SMAP1: variants seen among roughly 807,000 people sequenced by gnomAD.
SMAP1 encodes the protein stromal membrane-associated protein 1.
SMAP1 carries 24 observed loss-of-function variants against 58.5 expected under a neutral mutation model. That is an observed-to-expected ratio of 0.41 (90% CI 0.30 to 0.58). The LOEUF (loss-of-function observed/expected upper bound fraction) is 0.58. SMAP1 is among the 20% of genes least tolerant of loss of function. SMAP1 has a pLI of 0.29. For synonymous variants in SMAP1, 216 were observed against 196.6 expected (o/e 1.10, Z -0.82); for missense variants, 563 against 566.3 (o/e 0.99, Z 0.06).
At chr6:70,675,891 T>A (rs564990961) in intron 1 of SMAP1, among the ~76,000 whole-genome samples, 7 of 152,352 alleles carry the variant, frequency 4.6e-5, no homozygotes, top group Admixed American at 3.3e-4. Flanking sequence ...AAGTTGTTTG[T>A]ATAATAAATA....
intron 3 of SMAP1, among the ~76,000 whole-genome samples, chr6:70,764,766 G>T (rs1766893556): frequency 6.6e-6 from 1 of 152,120 alleles, no homozygotes; most frequent in Non-Finnish European, 1.5e-5. Context: ...CATCTGTTCT[G>T]CAGCCCATGG....
chr6:70,807,850 CAT>C (rs769228041), intron 6 of SMAP1, among the ~76,000 whole-genome samples: 61 of 152,162 alleles, frequency 4.0e-4, no homozygotes, highest in Admixed American at 1.4e-3. Context: ...TGAAAATCCT[CAT>C]ATAACTTTTG....
intron 2 of SMAP1, among the ~76,000 whole-genome samples, chr6:70,733,595 C>T (rs1322532019): frequency 6.6e-6 from 1 of 152,138 alleles, no homozygotes; most frequent in Admixed American, 6.5e-5. Flanking sequence ...AGGCTGGTCT[C>T]AAACTCTTGG....
chr6:70,707,180 G>C (rs938836400), intron 1 of SMAP1, among the ~76,000 whole-genome samples: 1 of 151,992 alleles, frequency 6.6e-6, no homozygotes, highest in African/African-American at 2.4e-5. Context: ...GTCATATTTT[G>C]ATCACATAAG....
chr6:70,753,001 A>G (rs1192816621), intron 2 of SMAP1, among the ~76,000 whole-genome samples: 7 of 152,100 alleles, frequency 4.6e-5, no homozygotes, highest in African/African-American at 1.4e-4. Context: ...TCACTAGAAC[A>G]GTGTTTAATA....
At chr6:70,779,841 A>G (rs748367448) in intron 4 of SMAP1, among the ~76,000 whole-genome samples, 1 of 152,176 alleles carries the variant, frequency 6.6e-6, no homozygotes, top group Non-Finnish European at 1.5e-5. Flanking sequence ...CAGTGATGCT[A>G]GTGCTGGGGA....
chr6:70,798,897 GTC>G (rs1473541229), intron 6 of SMAP1, among the ~76,000 whole-genome samples, 160 bp downstream of exon 6: 1 of 152,022 alleles, frequency 6.6e-6, no homozygotes, highest in Admixed American at 6.6e-5. Flanking sequence ...CTTCTAGCTT[GTC>G]TCTGTATTAT....
At chr6:70,770,350 C>A (rs184915527) in intron 3 of SMAP1, among the ~76,000 whole-genome samples, 1,763 of 152,202 alleles carry the variant, frequency 0.012, 15 homozygotes, top group Non-Finnish European at 0.015. Flanking sequence ...GTGTTTTCGA[C>A]CTTGGTTCCA....
chr6:70,736,140 G>A (rs1264094608), intron 2 of SMAP1, among the ~76,000 whole-genome samples: 2 of 152,024 alleles, frequency 1.3e-5, no homozygotes, highest in Non-Finnish European at 1.5e-5. Flanking sequence ...AGTTTTTAGA[G>A]CACAACATGT....
intron 4 of SMAP1, among the ~76,000 whole-genome samples, chr6:70,783,091 C>T (rs943688332): frequency 1.3e-5 from 2 of 152,124 alleles, no homozygotes; most frequent in African/African-American, 2.4e-5. Context: ...ACAAAACTTC[C>T]AGAGGAACGA....
chr6:70,862,005 AGACTTT>A, downstream of SMAP1: 1 of 1,550,040 alleles, frequency 6.5e-7, no homozygotes, highest in Non-Finnish European at 8.7e-7. Flanking sequence ...AAAAAAAAAG[AGACTTT>A]AAAATCCTGG....
Position 70,701,373 on chromosome 6 carries a change from T to C in SMAP1, c.119-31005T>C, listed in dbSNP as rs1372309712. Among the ~76,000 whole-genome samples, 7 of 152,270 alleles carry C rather than the reference T, an allele frequency of 4.6e-5. No individual in the cohort carries two copies. In the East Asian group the frequency reaches 1.2e-3, roughly 25 times the overall value. ...GAGCCACCATGCCTGGCCTGGTGTC[T>C]TACTAGGTCACGTGCACCCAAAGTC... On this transcript the variant is annotated intron_variant, in intron 1 of 10. Coordinates refer to ENST00000370455, the MANE Select transcript of SMAP1 (RefSeq NM_001044305.3).
chr6:70,727,265 C>T (rs924403084), intron 1 of SMAP1, among the ~76,000 whole-genome samples: 11 of 152,122 alleles, frequency 7.2e-5, no homozygotes, highest in Admixed American at 2.0e-4. Context: ...CGTACCAACA[C>T]GCCCAGCTAA....
At chr6:70,670,815 C>T (rs1482924391) in intron 1 of SMAP1, among the ~76,000 whole-genome samples, 12 of 152,220 alleles carry the variant, frequency 7.9e-5, no homozygotes. Flanking sequence ...CTTGCCTTAT[C>T]ATAGTTGGTA....
At chr6:70,765,347 G>C (rs1435244860) in intron 3 of SMAP1, among the ~76,000 whole-genome samples, 1 of 152,112 alleles carries the variant, frequency 6.6e-6, no homozygotes, top group African/African-American at 2.4e-5. Flanking sequence ...CAAAAGTTAA[G>C]TTCCTATGGC....
intron 5 of SMAP1, among the ~76,000 whole-genome samples, chr6:70,797,901 G>A (rs1768674647): frequency 6.6e-6 from 1 of 151,992 alleles, no homozygotes; most frequent in Admixed American, 6.6e-5. Flanking sequence ...AATGCCTTAC[G>A]AATGCTCTTT....
intron 7 of SMAP1, among the ~76,000 whole-genome samples, chr6:70,842,625 C>T (rs950417876): frequency 7.2e-5 from 11 of 152,108 alleles, no homozygotes; most frequent in Admixed American, 6.6e-5. Context: ...CTTCAAACTA[C>T]GAGTAACAGG....
chr6:70,817,018 C>G (rs1021788339), intron 6 of SMAP1, among the ~76,000 whole-genome samples: 92 of 151,690 alleles, frequency 6.1e-4, no homozygotes, highest in African/African-American at 2.1e-3. Flanking sequence ...TAACAAGTCC[C>G]CCCAGTTCCA....
In SMAP1 at chr6:70,729,459, T is replaced by TTAAGAAGGTTGTGTG. The variant is rs1491434129; in HGVS notation, c.119-2918_119-2917insAAGAAGGTTGTGTGT. Among the ~76,000 whole-genome samples, 8 of 128,162 alleles carry TTAAGAAGGTTGTGTG rather than the reference T, an allele frequency of 6.2e-5. No homozygotes were observed. In the East Asian group the frequency reaches 1.6e-3, roughly 25 times the overall value. 84.1% of individuals were successfully genotyped at this position (128,162 alleles called of 152,430 possible). A position where few individuals can be genotyped will look rare whatever the true frequency, so the allele number is the denominator to read the frequency against. On this transcript the variant is annotated intron_variant, in intron 1 of 10. Transcript: ENST00000370455. Reference sequence around the variant, plus strand: ...GTCTCAAAAAAAAAAAAAAAGAAGGTTGTGTGTGTGTGTGTGTGTGTGTGT... The same window carrying TTAAGAAGGTTGTGTG: ...GTCTCAAAAAAAAAAAAAAAGAAGGTTAAGAAGGTTGTGTGTGTGTGTGTGTGTGTGTGTGTGTGT...
Sources: gnomAD v4.1 joint callset for allele counts (sites outside exome capture counted in the v4.1 genomes callset) on GRCh38, gnomAD v4.1.1 for gene constraint, MANE v1.5 for transcripts, NCBI Gene and HGNC (gene_info 2026-07-23, HGNC 2026-07-21) for gene names.